The following ARF4 variants were observed in gnomAD, a reference collection of about 807,000 sequenced individuals.
The protein encoded by ARF4 is ARF GTPase 4, also known as ADP-ribosylation factor 4.
Under a neutral mutation model 24.3 loss-of-function variants are expected in ARF4, and 5 were observed. That is an observed-to-expected ratio of 0.21 (90% confidence interval 0.11 to 0.43). The LOEUF is 0.43. Among genes scored for constraint, ARF4 ranks in the 20% least tolerant of loss-of-function variants. The pLI is 1.00. For missense variants in ARF4, 107 were observed against 213.0 expected (o/e 0.50, Z 3.10); for synonymous variants, 62 against 73.5 (o/e 0.84, Z 0.80).
chr3:57,586,797 G>A (rs1382100834), intron 1 of ARF4, among the ~76,000 whole-genome samples: 1 of 151,962 alleles, frequency 6.6e-6, no homozygotes, highest in African/African-American at 2.4e-5. Context: ...AACAAAGGGG[G>A]GTGGCAAAAA....
intron 1 of ARF4, among the ~76,000 whole-genome samples, chr3:57,585,372 C>T (rs937149949): frequency 2.0e-5 from 3 of 152,014 alleles, no homozygotes; most frequent in Non-Finnish European, 2.9e-5. Context: ...GTAACTATGT[C>T]CTAGTGACCT....
chr3:57,584,849 AT>A (rs1350704460), intron 1 of ARF4, among the ~76,000 whole-genome samples: 1 of 137,202 alleles, frequency 7.3e-6, no homozygotes, highest in Admixed American at 7.4e-5. Flanking sequence ...AACTACCAGC[AT>A]TTTTTGGGGG....
intron 3 of ARF4, among the ~76,000 whole-genome samples, chr3:57,580,038 G>A (rs2069951208): frequency 6.6e-6 from 1 of 152,096 alleles, no homozygotes; most frequent in African/African-American, 2.4e-5. Flanking sequence ...GAGGTTGACT[G>A]AAGCTACAGT....
intron 4 of ARF4, among the ~76,000 whole-genome samples, chr3:57,576,184 A>C (rs1170190536): frequency 6.6e-6 from 1 of 152,238 alleles, no homozygotes. Flanking sequence ...TGCATGATGC[A>C]ATATAGACGA....
At chr3:57,584,264 G>T in intron 2 of ARF4, 120 bp downstream of exon 2, 1 of 1,036,674 alleles carries the variant, frequency 9.6e-7, no homozygotes, top group Non-Finnish European at 1.4e-6. Flanking sequence ...CACCCGGCCT[G>T]TTTTAAAAGT....
chr3:57,573,970 C>T (rs1422006020), intron 5 of ARF4, among the ~76,000 whole-genome samples: 1 of 149,086 alleles, frequency 6.7e-6, no homozygotes, highest in Non-Finnish European at 1.5e-5. Flanking sequence ...GAGACGGAGT[C>T]TCGCTCTGTC....
intron 1 of ARF4, among the ~76,000 whole-genome samples, chr3:57,591,882 C>G (rs1197139544): frequency 6.6e-6 from 1 of 152,058 alleles, no homozygotes; most frequent in East Asian, 1.9e-4. Flanking sequence ...AAACAGAAAA[C>G]AGATTACGGG....
intron 3 of ARF4, among the ~76,000 whole-genome samples, chr3:57,580,504 T>C (rs1392244783): frequency 3.3e-5 from 5 of 152,082 alleles, no homozygotes; most frequent in Admixed American, 3.3e-4. Flanking sequence ...TGTGCTCAGG[T>C]GATCCTCCCA....
chr3:57,592,217 G>A lies in ARF4; in HGVS notation c.67+4857C>T, dbSNP rs140012402. On this transcript the variant is annotated intron_variant, in intron 1 of 5. Coordinates refer to ENST00000303436, the MANE Select transcript of ARF4 (RefSeq NM_001660.4). Reference sequence around the variant, plus strand: ...GTATCTTAATATTTTGGCCAGGCACGGTGACTCATGCCTGTAATCGCAGCA... The same window carrying A: ...GTATCTTAATATTTTGGCCAGGCACAGTGACTCATGCCTGTAATCGCAGCA... Among the ~76,000 whole-genome samples, 463 of 152,220 alleles carry A rather than the reference G, an allele frequency of 3.0e-3. 1 individual carries two copies. Among genetic ancestry groups the A allele is most frequent in the African/African-American group, 7.4e-3 (309 of 41,514 alleles).
intron 1 of ARF4, among the ~76,000 whole-genome samples, chr3:57,587,261 G>A (rs2070049792): frequency 6.8e-6 from 1 of 147,922 alleles, no homozygotes; most frequent in Admixed American, 6.9e-5. Flanking sequence ...GGATGTTGCA[G>A]TGAGCCGAGA....
chr3:57,590,442 C>T (rs1401465413), intron 1 of ARF4, among the ~76,000 whole-genome samples: 1 of 151,342 alleles, frequency 6.6e-6, no homozygotes, highest in Non-Finnish European at 1.5e-5. Flanking sequence ...GCCGAGATTG[C>T]GCCACTGCAC....
intron 1 of ARF4, among the ~76,000 whole-genome samples, chr3:57,591,266 T>C (rs1047756068): frequency 6.6e-6 from 1 of 152,094 alleles, no homozygotes; most frequent in African/African-American, 2.4e-5. Context: ...TCATGAATGT[T>C]GAAGAGCTAG....
intron 4 of ARF4, 63 bp downstream of exon 4, chr3:57,577,250 AACC>A: frequency 7.5e-7 from 1 of 1,335,080 alleles, no homozygotes; most frequent in Non-Finnish European, 1.1e-6. Context: ...AAATGTACTA[AACC>A]ACCACCAGTT....
intron 1 of ARF4, among the ~76,000 whole-genome samples, chr3:57,594,714 T>C (rs1032966280): frequency 6.6e-6 from 1 of 152,226 alleles, no homozygotes; most frequent in African/African-American, 2.4e-5. Context: ...CAGGAGGGCA[T>C]GAATCTTATC....
At position 57,571,448 on chromosome 3, in the gene ARF4, ACT is replaced by A. The variant is rs1198520780; in HGVS notation, c.*762_*763del. On this transcript the variant is annotated 3_prime_UTR_variant, in exon 6 of 6. Transcript: ENST00000303436. ...ATCGAATTTGATGAGTTTTCCAAAA[ACT>A]CTTAATGAAGATATGTCTGCCCAAT... The A allele has an allele frequency of 6.6e-6, 1 of 152,406 alleles. No homozygotes were observed. Among genetic ancestry groups the A allele is most frequent in the East Asian group, 1.9e-4 (1 of 5,198 alleles). 9.4% of individuals were successfully genotyped at this position (152,406 alleles called of 1,614,324 possible).
chr3:57,595,100 C>G (rs1257899061), intron 1 of ARF4, among the ~76,000 whole-genome samples: 1 of 152,130 alleles, frequency 6.6e-6, no homozygotes. Context: ...AATATTTTTT[C>G]TCTCCCATTT....
chr3:57,574,036 G>A (rs1268052764), intron 5 of ARF4, among the ~76,000 whole-genome samples: 1 of 152,196 alleles, frequency 6.6e-6, no homozygotes, highest in Non-Finnish European at 1.5e-5. Context: ...CTGCTGCCTG[G>A]GTTCAAGTGA....
chr3:57,585,610 TATA>T, intron 1 of ARF4, among the ~76,000 whole-genome samples: 1 of 151,770 alleles, frequency 6.6e-6, no homozygotes. Flanking sequence ...GAACTTAAAG[TATA>T]ATAATAAAAG....
chr3:57,576,071 TCTATC>T (rs1283163014), intron 4 of ARF4, among the ~76,000 whole-genome samples: 1 of 152,136 alleles, frequency 6.6e-6, no homozygotes, highest in Non-Finnish European at 1.5e-5. Flanking sequence ...TTTTCGGACT[TCTATC>T]CTTTCCAACA....
Sources: gnomAD v4.1 joint callset for allele counts (sites outside exome capture counted in the v4.1 genomes callset) on GRCh38, gnomAD v4.1.1 for gene constraint, MANE v1.5 for transcripts, NCBI Gene and HGNC (gene_info 2026-07-23, HGNC 2026-07-21) for gene names.